THADA: variants seen among roughly 807,000 people sequenced by gnomAD.
THADA encodes tRNA (32-2'-O)-methyltransferase regulator THADA.
Under a neutral mutation model 219.8 loss-of-function variants are expected in THADA, and 213 were observed. The ratio of observed to expected loss-of-function variants is 0.97; its 90% confidence interval spans 0.87 to 1.09. The LOEUF is 1.09. Among genes scored for constraint, THADA ranks in the 50% least tolerant of loss-of-function variants. The pLI is 0.00. For missense variants in THADA, 2,956 were observed against 2,311.3 expected, an observed-to-expected ratio of 1.28 and a Z score of -5.72; for synonymous variants, 1,018 against 828.9, an observed-to-expected ratio of 1.23 and a Z score of -3.92.
intron 36 of THADA, among the ~76,000 whole-genome samples, chr2:43,261,888 C>T (rs138051776): frequency 9.2e-5 from 14 of 152,246 alleles, no homozygotes; most frequent in African/African-American, 2.4e-4. Flanking sequence ...CCACTCGCCT[C>T]GGCCTCCCAA....
At chr2:43,315,264 A>C (rs991571677) in intron 31 of THADA, among the ~76,000 whole-genome samples, 8 of 152,236 alleles carry the variant, frequency 5.3e-5, no homozygotes, top group African/African-American at 1.9e-4. Context: ...TCATAAAATT[A>C]GTAAAATAGA....
intron 21 of THADA, among the ~76,000 whole-genome samples, chr2:43,531,022 A>G (rs893616157): frequency 6.6e-6 from 1 of 152,232 alleles, no homozygotes; most frequent in African/African-American, 2.4e-5. Context: ...AATTCCTGTT[A>G]GATAACAGTC....
Position 43,232,761 on chromosome 2 carries a change from C to A in THADA, c.5418G>T (p.Leu1806=). The change falls in exon 37 of 38, where the codon CTG becomes CTT. Residue 1806 remains leucine, a synonymous_variant. Coordinates refer to ENST00000405975, the MANE Select transcript of THADA (RefSeq NM_022065.5). ...CCACGAGGTCATCACTCTCTCCCAA[C>A]AGCCATCCCAGCAGGATGGGCAGTC... ...APGLPILLGW[L]LGESDDLVAC... is the part of the protein sequence containing the mutation. 1 of 1,613,888 alleles carries A rather than the reference C, an allele frequency of 6.2e-7. No individual in the cohort carries two copies. The highest frequency in any genetic ancestry group is 8.5e-7 in the Non-Finnish European group (1 of 1,179,850).
intron 34 of THADA, among the ~76,000 whole-genome samples, chr2:43,288,696 G>A (rs544519371): frequency 6.6e-6 from 1 of 152,106 alleles, no homozygotes; most frequent in Non-Finnish European, 1.5e-5. Flanking sequence ...GGGTTTTTAA[G>A]GAAGCTTCAT....
intron 34 of THADA, among the ~76,000 whole-genome samples, chr2:43,290,471 GCCCAGCCTCATGCTCT>G (rs1053907857): frequency 6.6e-6 from 1 of 152,016 alleles, no homozygotes; most frequent in Non-Finnish European, 1.5e-5. Flanking sequence ...TTTTATCTCT[GCCCAGCCTCATGCTCT>G]CTGAACTTCA....
At chr2:43,286,843 G>T (rs1674079192) in intron 35 of THADA, 65 bp downstream of exon 35, 1 of 1,549,676 alleles carries the variant, frequency 6.5e-7, no homozygotes, top group South Asian at 1.2e-5. Flanking sequence ...CTTTTTTTAG[G>T]CAAGAATATC....
intron 21 of THADA, among the ~76,000 whole-genome samples, chr2:43,540,477 T>G (rs951418411): frequency 1.3e-5 from 2 of 152,242 alleles, no homozygotes; most frequent in African/African-American, 2.4e-5. Context: ...AAAGTTGCCT[T>G]TATTTTTAAA....
chr2:43,344,783 C>T (rs2104539317), intron 29 of THADA, among the ~76,000 whole-genome samples: 1 of 146,536 alleles, frequency 6.8e-6, no homozygotes, highest in Non-Finnish European at 1.5e-5. Context: ...TTTTTTTTAG[C>T]AGATCTTCCC....
At chr2:43,367,490 C>A (rs998390781) in intron 29 of THADA, among the ~76,000 whole-genome samples, 3 of 152,154 alleles carry the variant, frequency 2.0e-5, no homozygotes, top group Admixed American at 6.5e-5. Flanking sequence ...GTGAACTACA[C>A]GTTTACCTAA....
At chr2:43,332,378 CTT>C (rs1454253880) in intron 30 of THADA, among the ~76,000 whole-genome samples, 2 of 152,248 alleles carry the variant, frequency 1.3e-5, no homozygotes. Flanking sequence ...CTGCAACACA[CTT>C]TGACTAATTC....
At chr2:43,448,262 T>G (rs1220035443) in intron 26 of THADA, among the ~76,000 whole-genome samples, 1 of 152,182 alleles carries the variant, frequency 6.6e-6, no homozygotes, top group African/African-American at 2.4e-5. Context: ...TAAATTGCAG[T>G]CAATTTTGGT....
intron 29 of THADA, among the ~76,000 whole-genome samples, chr2:43,391,352 T>C (rs1478593284): frequency 6.6e-6 from 1 of 152,198 alleles, no homozygotes; most frequent in Non-Finnish European, 1.5e-5. Context: ...AGCAGTACAT[T>C]GCTTGGGGAA....
intron 30 of THADA, among the ~76,000 whole-genome samples, chr2:43,341,760 A>G (rs1393190998): frequency 2.0e-5 from 3 of 152,196 alleles, no homozygotes; most frequent in Non-Finnish European, 4.4e-5. Context: ...ATCCCCAGAA[A>G]TAACAGGTAG....
chr2:43,434,696 G>A (rs1232258691), intron 26 of THADA, among the ~76,000 whole-genome samples: 1 of 152,160 alleles, frequency 6.6e-6, no homozygotes, highest in Non-Finnish European at 1.5e-5. Context: ...TCTCCCTTCT[G>A]GTTCCCCCAT....
In THADA at chr2:43,292,885, C is replaced by T. The variant is rs755800748; in HGVS notation, c.4767G>A (p.Glu1589=). 5 of 1,613,826 alleles carry T rather than the reference C, an allele frequency of 3.1e-6. No individual in the cohort carries two copies. Among genetic ancestry groups the T allele is most frequent in the Non-Finnish European group, 4.2e-6 (5 of 1,179,910 alleles). Residue 1589 remains glutamate, a synonymous_variant, in exon 32 of 38, where the codon GAG becomes GAA. Coordinates refer to ENST00000405975, the MANE Select transcript of THADA (RefSeq NM_022065.5). ...CCTTCATGGCCAACAATAAGAACTT[C>T]TCTCCCATGTTGCACAGCAAGGGTG... ...GVPPLLCNMG[E]KFLLLAMKEN...
chr2:43,505,877 C>T (rs908184479), intron 23 of THADA, 142 bp from the exon 24 acceptor site: 128 of 637,512 alleles, frequency 2.0e-4, no homozygotes, highest in Middle Eastern at 1.7e-3. Context: ...GCCATGTGGC[C>T]GTGGGCAAGT....
At chr2:43,413,422 T>C (rs537044043) in intron 28 of THADA, among the ~76,000 whole-genome samples, 1 of 152,192 alleles carries the variant, frequency 6.6e-6, no homozygotes, top group African/African-American at 2.4e-5. Flanking sequence ...GGACAGAACC[T>C]AATACAGCAG....
At chr2:43,311,379 GATATTGAGA>G (rs1275194104) in intron 31 of THADA, among the ~76,000 whole-genome samples, 1 of 152,180 alleles carries the variant, frequency 6.6e-6, no homozygotes, top group Non-Finnish European at 1.5e-5. Context: ...AGTTGGTAAG[GATATTGAGA>G]AACTGGAAAC....
At chr2:43,496,457 T>C (rs1311128542) in intron 25 of THADA, among the ~76,000 whole-genome samples, 1 of 152,120 alleles carries the variant, frequency 6.6e-6, no homozygotes, top group Non-Finnish European at 1.5e-5. Context: ...GTTTTGCGAG[T>C]GTCTCGTTTT....
Sources: gnomAD v4.1 joint callset for allele counts (sites outside exome capture counted in the v4.1 genomes callset) on GRCh38, gnomAD v4.1.1 for gene constraint, MANE v1.5 for transcripts, NCBI Gene and HGNC (gene_info 2026-07-23, HGNC 2026-07-21) for gene names.